Variants in PLEKHM2 observed in about 807,000 individuals in gnomAD.
PLEKHM2 encodes the protein pleckstrin homology domain-containing family M member 2.
PLEKHM2 carries 77 observed loss-of-function variants against 116.3 expected under a neutral mutation model. That is an observed-to-expected ratio of 0.66 (90% CI 0.55 to 0.80). The LOEUF (loss-of-function observed/expected upper bound fraction) is 0.80, where lower values mean the gene tolerates loss of function less well. PLEKHM2 is among the 30% of genes least tolerant of loss of function. The pLI, the probability that PLEKHM2 is intolerant of heterozygous loss-of-function variation, is 0.00. For synonymous variants in PLEKHM2, 562 were observed against 571.0 expected (o/e 0.98, Z 0.22); for missense variants, 1,183 against 1,354.9 (o/e 0.87, Z 1.99).
intron 14 of PLEKHM2, among the ~76,000 whole-genome samples, 168 bp downstream of exon 14, chr1:15,730,097 G>GA (rs1422291093): frequency 6.6e-6 from 1 of 152,166 alleles, no homozygotes. Context: ...ACCCTGGAAG[G>GA]GAGGAAAGTC....
intron 6 of PLEKHM2, 147 bp downstream of exon 6, chr1:15,720,067 T>C: frequency 1.7e-6 from 1 of 592,998 alleles, no homozygotes; most frequent in Non-Finnish European, 2.8e-6. Context: ...TTCCCAGATC[T>C]TCATCTCCTC....
chr1:15,686,655 T>TTTTC (rs1284472345), intron 1 of PLEKHM2, among the ~76,000 whole-genome samples: 4 of 149,458 alleles, frequency 2.7e-5, no homozygotes, highest in Admixed American at 2.6e-4. Context: ...TAAATTTTTT[T>TTTTC]TTTTTTTTTT....
upstream of PLEKHM2, chr1:15,683,112 G>C (rs1007126157): frequency 6.6e-6 from 1 of 152,590 alleles, no homozygotes; most frequent in African/African-American, 2.4e-5. Flanking sequence ...GGTGAGGAGG[G>C]TGTGTTTTGG....
At chr1:15,701,571 C>T (rs866014849) in intron 1 of PLEKHM2, among the ~76,000 whole-genome samples, 51 of 152,206 alleles carry the variant, frequency 3.4e-4, no homozygotes, top group African/African-American at 1.1e-3. Context: ...AGGTGGATCA[C>T]GAGGTCAGGA....
At chr1:15,732,789 G>A (rs1056630780) in intron 19 of PLEKHM2, 61 bp downstream of exon 19, 17 of 1,127,596 alleles carry the variant, frequency 1.5e-5, no homozygotes, top group East Asian at 5.1e-5. Context: ...GCCACTCCCC[G>A]GGGAGAGGAA....
rs3830503 is a variant in PLEKHM2, at chr1:15,716,220, G to GT, written c.61-8dup. 2.6e-3 allele frequency: 3,510 copies of GT among 1,366,364 alleles called. No individual in the cohort carries two copies. Among genetic ancestry groups the GT allele is most frequent in the Non-Finnish European group, 3.1e-3 (3,027 of 991,216 alleles). 84.6% of individuals were successfully genotyped at this position (1,366,364 alleles called of 1,614,324 possible). ...CTTAATCCATTTCTGATTTGGAGGT[G>GT]TTTTTTTTTCTTTCAGTTGCAGAGC... On this transcript the variant is annotated splice_polypyrimidine_tract_variant and intron_variant, in intron 1 of 19. Coordinates refer to ENST00000375799, the MANE Select transcript of PLEKHM2 (RefSeq NM_015164.4).
At chr1:15,687,686 A>G (rs571414833) in intron 1 of PLEKHM2, among the ~76,000 whole-genome samples, 1 of 152,244 alleles carries the variant, frequency 6.6e-6, no homozygotes, top group East Asian at 1.9e-4. Flanking sequence ...CATAAATTAC[A>G]TTTGGTTTTC....
At chr1:15,698,145 G>T (rs1641036454) in intron 1 of PLEKHM2, among the ~76,000 whole-genome samples, 1 of 152,140 alleles carries the variant, frequency 6.6e-6, no homozygotes, top group Admixed American at 6.5e-5. Flanking sequence ...CTGGCTAGGG[G>T]CATTGACTGC....
At chr1:15,684,649 C>A in intron 1 of PLEKHM2, 31 bp downstream of exon 1, 1 of 1,210,262 alleles carries the variant, frequency 8.3e-7, no homozygotes, top group Non-Finnish European at 1.0e-6. Flanking sequence ...GGCCGGGGCC[C>A]CTTCCTCGCC....
At chr1:15,718,506 G>A in intron 4 of PLEKHM2, 32 bp from the exon 5 acceptor site, 1 of 1,340,978 alleles carries the variant, frequency 7.5e-7, no homozygotes, top group Non-Finnish European at 1.0e-6. Flanking sequence ...AACAGACCCA[G>A]AGGCACCATC....
At chr1:15,723,771 G>A (rs995885010) in intron 7 of PLEKHM2, among the ~76,000 whole-genome samples, 2 of 148,620 alleles carry the variant, frequency 1.3e-5, no homozygotes, top group African/African-American at 5.0e-5. Context: ...AAAAAAAAAG[G>A]ACGGTGTGCT....
upstream of PLEKHM2, chr1:15,683,063 G>A (rs1640679725): frequency 6.6e-6 from 1 of 152,224 alleles, no homozygotes; most frequent in Non-Finnish European, 1.5e-5. Context: ...GAAGAAGAGG[G>A]ATAAGGATAA....
At chr1:15,694,725 A>T (rs1385432895) in intron 1 of PLEKHM2, among the ~76,000 whole-genome samples, 2 of 150,980 alleles carry the variant, frequency 1.3e-5, no homozygotes, top group South Asian at 2.1e-4. Context: ...CTCTACACAG[A>T]TATTCTCCTC....
intron 1 of PLEKHM2, among the ~76,000 whole-genome samples, chr1:15,713,775 A>T (rs1197290086): frequency 6.6e-6 from 1 of 151,548 alleles, no homozygotes; most frequent in East Asian, 1.9e-4. Flanking sequence ...AGCTGGGACT[A>T]CAGGCGCCTG....
chr1:15,728,142 G>C lies in PLEKHM2; in HGVS notation c.1824G>C (p.Leu608=). 6.2e-7 allele frequency: 1 copy of C among 1,610,904 alleles called. No individual in the cohort carries two copies. Among genetic ancestry groups the C allele is most frequent in the African/African-American group, 1.3e-5 (1 of 74,998 alleles). ...TGTTCCGAGAAAACGAAGAGCAGCT[G>C]TTCAAAGTAAGTCCTAGGAACTCAG... ...IHVFRENEEQ[L]FKMIRMSTGH... The change falls in exon 10 of 20, where the codon CTG becomes CTC. Residue 608 remains leucine (L), a synonymous_variant. Transcript: ENST00000375799. The surrounding 1 kb of genome is among the most constrained non-coding windows in gnomAD (Gnocchi z 5.9).
intron 1 of PLEKHM2, among the ~76,000 whole-genome samples, chr1:15,698,621 C>T (rs1641050604): frequency 1.4e-5 from 2 of 147,652 alleles, no homozygotes; most frequent in African/African-American, 5.1e-5. Flanking sequence ...AATCTTGGCT[C>T]ACTGTAACCT....
rs1557659397 is a variant in PLEKHM2, at chr1:15,727,174, A to G, written c.1102A>G (p.Met368Val). 2.5e-6 allele frequency: 4 copies of G among 1,604,210 alleles called. No homozygotes were observed. The highest frequency in any genetic ancestry group is 3.4e-6 in the Non-Finnish European group (4 of 1,175,202). Residue 368 changes from methionine to valine, a missense_variant, in exon 9 of 20, where the codon ATG (methionine) becomes GTG (valine). Met to Val is a conservative substitution (Grantham distance 21). Around this residue, in one of 3 missense-constraint regions of PLEKHM2, gnomAD observed 372 missense variants for 357.2 expected, o/e 1.04. Coordinates refer to ENST00000375799, the MANE Select transcript of PLEKHM2 (RefSeq NM_015164.4). The surrounding 1 kb of genome is among the most constrained non-coding windows in gnomAD (Gnocchi z 7.5). ...CCTTGGGCGGGACTCGCCAGACACT[A>G]TGCTTGCCTCCCCCCAGGAGGAGGG... ...PSLGRDSPDT[M>V]LASPQEEGEG...
Position 15,730,657 on chromosome 1 carries a change from G to A in PLEKHM2, c.2334G>A (p.Leu778=), listed in dbSNP as rs771039458. 1 of 1,610,028 alleles carries A rather than the reference G, an allele frequency of 6.2e-7. No homozygotes were observed. The change falls in exon 15 of 20, where the codon CTG becomes CTA. Residue 778 remains leucine, a synonymous_variant. Transcript: ENST00000375799. ...PEGTITKEGM[L]HYKAGTSYLG... ...GCACCATCACCAAAGAAGGCATGCT[G>A]CACTACAAGGCGGGCACCTCCTACC...
At chr1:15,731,372 G>A in intron 16 of PLEKHM2, 115 bp downstream of exon 16, 1 of 814,254 alleles carries the variant, frequency 1.2e-6, no homozygotes, top group Admixed American at 2.0e-5. Flanking sequence ...ACCCCATCCA[G>A]CGGCCCTGAC....
Sources: allele counts gnomAD v4.1 joint callset (sites outside exome capture counted in the v4.1 genomes callset), GRCh38; gene constraint gnomAD v4.1.1; regional missense constraint gnomAD v4.1.1; non-coding constraint Gnocchi (gnomAD v3.1); transcripts MANE v1.5; gene names NCBI Gene and HGNC (gene_info 2026-07-23, HGNC 2026-07-21).